Variants in OSBPL1A observed in about 807,000 individuals in gnomAD.
The protein encoded by OSBPL1A is oxysterol-binding protein-related protein 1.
A neutral mutation model predicts 137.1 loss-of-function variants in OSBPL1A; 80 were observed. That is an observed-to-expected ratio of 0.58 (90% CI 0.49 to 0.70). The LOEUF is 0.70. OSBPL1A is among the 30% of genes least tolerant of loss of function. The probability of loss-of-function intolerance (pLI) is 0.00; values close to 1 mark genes in which losing one functional copy is unlikely to be tolerated. For synonymous variants in OSBPL1A, 365 were observed against 389.7 expected (o/e 0.94, Z 0.75); for missense variants, 970 against 1,129.4 (o/e 0.86, Z 2.02).
chr18:24,222,883 T>A (rs1375491953), intron 17 of OSBPL1A, among the ~76,000 whole-genome samples: 1 of 152,096 alleles, frequency 6.6e-6, no homozygotes, highest in Non-Finnish European at 1.5e-5. Flanking sequence ...TCCCAGGGGG[T>A]ACTACTGGTG....
chr18:24,364,654 G>C (rs1243575148), intron 4 of OSBPL1A: 1 of 151,520 alleles, frequency 6.6e-6, no homozygotes, highest in Non-Finnish European at 1.5e-5. Context: ...TAGCTGGCCA[G>C]ACTCAGTCCA....
chr18:24,283,870 G>A (rs1400681412), intron 14 of OSBPL1A, among the ~76,000 whole-genome samples: 2 of 151,972 alleles, frequency 1.3e-5, no homozygotes, highest in African/African-American at 4.8e-5. Context: ...CAACATTAAT[G>A]GTCCAAATAC....
chr18:24,256,141 A>C (rs529881888), intron 15 of OSBPL1A, among the ~76,000 whole-genome samples: 1 of 152,166 alleles, frequency 6.6e-6, no homozygotes, highest in Non-Finnish European at 1.5e-5. Flanking sequence ...TTGAATCCAC[A>C]TGTTGATATC....
chr18:24,278,059 A>T (rs1267852908), intron 15 of OSBPL1A, among the ~76,000 whole-genome samples: 1 of 152,230 alleles, frequency 6.6e-6, no homozygotes, highest in Non-Finnish European at 1.5e-5. Context: ...TTCATTTTAC[A>T]GAAACTTGTC....
At chr18:24,250,396 G>A (rs527465666) in intron 15 of OSBPL1A, among the ~76,000 whole-genome samples, 9 of 152,160 alleles carry the variant, frequency 5.9e-5, no homozygotes, top group East Asian at 3.9e-4. Flanking sequence ...GGCTGGTCTC[G>A]AACTCCTGAC....
At chr18:24,364,395 G>A (rs993185105) in intron 4 of OSBPL1A, among the ~76,000 whole-genome samples, 2 of 152,146 alleles carry the variant, frequency 1.3e-5, no homozygotes, top group East Asian at 1.9e-4. Context: ...ATTGAGTAAT[G>A]GAGCCCACTG....
rs1020140456 is a variant in OSBPL1A, at chr18:24,301,825, T to A, written c.1174+1812A>T. 2.0e-5 allele frequency among the ~76,000 whole-genome samples: 3 copies of A among 152,254 alleles called. No individual in the cohort carries two copies. The East Asian group carries it at 5.8e-4, about 29-fold the overall frequency. On this transcript the variant is annotated intron_variant, in intron 14 of 27. Coordinates refer to ENST00000319481, the MANE Select transcript of OSBPL1A (RefSeq NM_080597.4). ...GATGCCATAGGTACACTTGGACAGA[T>A]ACAGAATACTTATGGTCCATTTACT...
chr18:24,237,034 G>A (rs972859324), intron 16 of OSBPL1A, among the ~76,000 whole-genome samples: 3 of 151,994 alleles, frequency 2.0e-5, no homozygotes, highest in Non-Finnish European at 4.4e-5. Context: ...AAGACAAGTT[G>A]TCAGGAAAAA....
rs116815834 is a variant in OSBPL1A at position 24,329,893 on chromosome 18, T to C, written c.625+3049A>G. Among the ~76,000 whole-genome samples the C allele has an allele frequency of 4.4e-3, 665 of 152,316 alleles. 7 individuals carry two copies. Among genetic ancestry groups the C allele is most frequent in the African/African-American group, 0.015 (639 of 41,580 alleles). On this transcript the variant is annotated intron_variant, in intron 7 of 27. Coordinates refer to ENST00000319481, the MANE Select transcript of OSBPL1A (RefSeq NM_080597.4). Reference sequence around the variant, plus strand: ...CGTTATTCTACATAAGGCACTTGATTTGACAGCTCCTATAATAACATTATA... The same window carrying C: ...CGTTATTCTACATAAGGCACTTGATCTGACAGCTCCTATAATAACATTATA...
chr18:24,390,370 G>A (rs779707643), intron 1 of OSBPL1A, among the ~76,000 whole-genome samples: 54 of 152,124 alleles, frequency 3.5e-4, no homozygotes, highest in Admixed American at 2.2e-3. Flanking sequence ...AAAACAAAAC[G>A]TGACATATAC....
At chr18:24,253,776 A>C (rs1053751884) in intron 15 of OSBPL1A, among the ~76,000 whole-genome samples, 4 of 152,192 alleles carry the variant, frequency 2.6e-5, no homozygotes, top group Non-Finnish European at 4.4e-5. Flanking sequence ...CATCCAACAT[A>C]GGGTCTACAA....
At chr18:24,396,700 GTGGTT>G (rs1189311016) in intron 1 of OSBPL1A, among the ~76,000 whole-genome samples, 3 of 152,068 alleles carry the variant, frequency 2.0e-5, no homozygotes, top group South Asian at 4.1e-4. Flanking sequence ...AGGGAGGGGG[GTGGTT>G]CAGAATTTAT....
intron 4 of OSBPL1A, 58 bp from the exon 5 acceptor site, chr18:24,341,716 C>T (rs571071543): frequency 3.3e-6 from 4 of 1,199,560 alleles, no homozygotes; most frequent in Admixed American, 4.0e-5. Context: ...GCATTACCAC[C>T]CTTTTCCAAA....
chr18:24,375,754 T>C (rs1252287759), intron 2 of OSBPL1A, among the ~76,000 whole-genome samples: 2 of 152,166 alleles, frequency 1.3e-5, no homozygotes, highest in Admixed American at 1.3e-4. Context: ...ATCCCATGTG[T>C]CTCTTCATCA....
intron 2 of OSBPL1A, among the ~76,000 whole-genome samples, chr18:24,376,938 G>C (rs978288511): frequency 2.6e-5 from 4 of 152,212 alleles, no homozygotes; most frequent in African/African-American, 7.2e-5. Flanking sequence ...CAAACGCCGC[G>C]CGCAGCCCTG....
At chr18:24,166,790 C>T in intron 25 of OSBPL1A, 88 bp from the exon 26 acceptor site, 1 of 1,295,582 alleles carries the variant, frequency 7.7e-7, no homozygotes, top group Admixed American at 2.2e-5. Flanking sequence ...GTTGACTTGA[C>T]AATGACCCCC....
At chr18:24,171,298 C>T in intron 23 of OSBPL1A, 111 bp downstream of exon 23, 1 of 771,278 alleles carries the variant, frequency 1.3e-6, no homozygotes, top group Non-Finnish European at 2.1e-6. Flanking sequence ...TCCCAAAGTG[C>T]TGGGATTATA....
At chr18:24,291,825 G>A (rs1040321086) in intron 14 of OSBPL1A, among the ~76,000 whole-genome samples, 2 of 150,820 alleles carry the variant, frequency 1.3e-5, no homozygotes, top group African/African-American at 4.9e-5. Context: ...GACTGAGGCA[G>A]GTGGATCACC....
chr18:24,374,233 G>T (rs1293737494), intron 2 of OSBPL1A, among the ~76,000 whole-genome samples: 1 of 152,086 alleles, frequency 6.6e-6, no homozygotes, highest in African/African-American at 2.4e-5. Flanking sequence ...AGACAACCCA[G>T]ATCCTCAGAT....
Sources: allele counts gnomAD v4.1 joint callset (sites outside exome capture counted in the v4.1 genomes callset), GRCh38; gene constraint gnomAD v4.1.1; transcripts MANE v1.5; gene names NCBI Gene and HGNC (gene_info 2026-07-23, HGNC 2026-07-21).